HYCC1: variants seen among roughly 807,000 people sequenced by gnomAD.
HYCC1 encodes the protein hyccin PI4KA lipid kinase complex subunit 1, also known as hyccin.
chr7:22,962,905 G>A, the HYCC1 span, among the ~76,000 whole-genome samples: 3 of 152,062 alleles, frequency 2.0e-5, no homozygotes, highest in Non-Finnish European at 4.4e-5. Flanking sequence ...GCTGAAAGCT[G>A]AGGACGAAGC....
the HYCC1 span, among the ~76,000 whole-genome samples, chr7:22,916,506 A>C: frequency 2.6e-5 from 4 of 152,180 alleles, no homozygotes; most frequent in Non-Finnish European, 5.9e-5. Context: ...TGCAGTCAAA[A>C]TTCTTACACA....
chr7:22,987,450 A>T, the HYCC1 span, among the ~76,000 whole-genome samples: 1 of 152,310 alleles, frequency 6.6e-6, no homozygotes, highest in African/African-American at 2.4e-5. Context: ...CAGAAGGCTG[A>T]GGCATGAGAA....
At chr7:22,926,736 A>G in the HYCC1 span, among the ~76,000 whole-genome samples, 1 of 151,436 alleles carries the variant, frequency 6.6e-6, no homozygotes, top group Non-Finnish European at 1.5e-5. Context: ...TAATAATGGG[A>G]GACTTTAACA....
At chr7:22,937,493 AC>A in the HYCC1 span, 1 of 152,210 alleles carries the variant, frequency 6.6e-6, no homozygotes, top group East Asian at 1.9e-4. Flanking sequence ...TGCATAATTT[AC>A]TTCTCAAAAC....
At chr7:22,993,584 C>T in the HYCC1 span, among the ~76,000 whole-genome samples, 1 of 152,098 alleles carries the variant, frequency 6.6e-6, no homozygotes, top group Non-Finnish European at 1.5e-5. Flanking sequence ...GAAATCAAGA[C>T]CATCACTTAC....
At chr7:22,920,741 T>G in the HYCC1 span, among the ~76,000 whole-genome samples, 33 of 152,192 alleles carry the variant, frequency 2.2e-4, no homozygotes, top group Non-Finnish European at 3.8e-4. Context: ...TTCTTTTTTC[T>G]TTTTGTTATG....
chr7:22,978,078 G>A, the HYCC1 span: 2 of 615,746 alleles, frequency 3.2e-6, no homozygotes. Context: ...AATCCATAAA[G>A]GTAAGTTACA....
At chr7:22,985,904 ATGTATACATGTCTATGTATACTG>A in the HYCC1 span, among the ~76,000 whole-genome samples, 35 of 150,122 alleles carry the variant, frequency 2.3e-4, no homozygotes, top group Admixed American at 4.0e-4. Flanking sequence ...ACATAGTTAC[ATGTATACATGTCTATGTATACTG>A]TGTATACATG....
chr7:22,994,435 G>T, the HYCC1 span, among the ~76,000 whole-genome samples: 1 of 152,106 alleles, frequency 6.6e-6, no homozygotes, highest in Non-Finnish European at 1.5e-5. Context: ...TGTCGGTTCT[G>T]ATAACAGTCT....
the HYCC1 span, among the ~76,000 whole-genome samples, chr7:22,930,026 G>T: frequency 1.3e-5 from 2 of 152,056 alleles, no homozygotes; most frequent in East Asian, 3.9e-4. Flanking sequence ...AAAATGATGA[G>T]TTCATGTCCT....
At chr7:23,000,240 T>TA in the HYCC1 span, among the ~76,000 whole-genome samples, 1 of 152,156 alleles carries the variant, frequency 6.6e-6, no homozygotes, top group Non-Finnish European at 1.5e-5. Flanking sequence ...TTTCTACACA[T>TA]ATGCTATATA....
the HYCC1 span, among the ~76,000 whole-genome samples, chr7:22,950,053 C>G: frequency 6.6e-6 from 1 of 151,966 alleles, no homozygotes; most frequent in Non-Finnish European, 1.5e-5. Context: ...GTTACCTAAT[C>G]TTGCTCTCTA....
chr7:22,926,141 T>C, the HYCC1 span, among the ~76,000 whole-genome samples: 1 of 152,094 alleles, frequency 6.6e-6, no homozygotes, highest in Non-Finnish European at 1.5e-5. Context: ...CTGAGAGATT[T>C]TGTCACCACC....
chr7:22,968,201 A>G, the HYCC1 span, among the ~76,000 whole-genome samples: 1 of 152,176 alleles, frequency 6.6e-6, no homozygotes, highest in Admixed American at 6.5e-5. Context: ...TGATCATGTG[A>G]CTAAGTTCTA....
chr7:22,988,108 CAT>C, the HYCC1 span, among the ~76,000 whole-genome samples: 442 of 152,264 alleles, frequency 2.9e-3, 2 homozygotes, highest in Middle Eastern at 0.02. Flanking sequence ...CTTTGTCAAA[CAT>C]AGAGCTGAAT....
At chr7:22,990,941 G>A in the HYCC1 span, 6 of 698,180 alleles carry the variant, frequency 8.6e-6, no homozygotes, top group Non-Finnish European at 1.5e-5. Flanking sequence ...AGATTTGATA[G>A]AAAATACTTC....
At chr7:22,957,419 T>G in the HYCC1 span, among the ~76,000 whole-genome samples, 3 of 150,580 alleles carry the variant, frequency 2.0e-5, no homozygotes, top group African/African-American at 7.3e-5. Context: ...TTAGAGGAAA[T>G]GCAATAATAA....
chr7:22,958,305 G>A, the HYCC1 span, among the ~76,000 whole-genome samples: 1 of 152,092 alleles, frequency 6.6e-6, no homozygotes, highest in African/African-American at 2.4e-5. Context: ...GGACTTAAGA[G>A]TATTTTAGAG....
the HYCC1 span, among the ~76,000 whole-genome samples, chr7:22,979,568 G>C: frequency 7.9e-5 from 12 of 152,166 alleles, no homozygotes; most frequent in African/African-American, 2.9e-4. Context: ...GGGATATTTA[G>C]CTTTCAGGGT....
Sources: gnomAD v4.1 joint callset for allele counts (sites outside exome capture counted in the v4.1 genomes callset) on GRCh38, gnomAD v4.1.1 for gene constraint, MANE v1.5 for transcripts, NCBI Gene and HGNC (gene_info 2026-07-23, HGNC 2026-07-21) for gene names.